Variants in DCHS2 observed in about 807,000 individuals in gnomAD.
The protein encoded by DCHS2 is protocadherin-23.
DCHS2 carries 142 observed loss-of-function variants against 182.4 expected under a neutral mutation model. That is an observed-to-expected ratio of 0.78 (90% CI 0.68 to 0.89). The LOEUF is 0.89. Among genes scored for constraint, DCHS2 ranks in the 40% least tolerant of loss-of-function variants. DCHS2 has a pLI of 0.00. For missense variants in DCHS2, 4,319 were observed against 4,198.6 expected, an observed-to-expected ratio of 1.03 and a Z score of -0.79; for synonymous variants, 1,740 against 1,663.3, an observed-to-expected ratio of 1.05 and a Z score of -1.12.
At chr4:154,398,988 G>A (rs1483506643) in intron 1 of DCHS2, among the ~76,000 whole-genome samples, 3 of 152,156 alleles carry the variant, frequency 2.0e-5, no homozygotes, top group African/African-American at 7.2e-5. Context: ...CTAGGTCTAA[G>A]GGAAAATGGG....
At chr4:154,245,602 A>C (rs958758781) in intron 16 of DCHS2, among the ~76,000 whole-genome samples, 44 of 152,282 alleles carry the variant, frequency 2.9e-4, no homozygotes, top group African/African-American at 9.1e-4. Flanking sequence ...ATGAAAAGAA[A>C]AACTATGATT....
At chr4:154,465,813 A>G (rs976688983) in intron 1 of DCHS2, among the ~76,000 whole-genome samples, 1 of 152,194 alleles carries the variant, frequency 6.6e-6, no homozygotes, top group Non-Finnish European at 1.5e-5. Context: ...ATGCCTCATC[A>G]TGCTGGGCCT....
chr4:154,431,353 A>G (rs952178551), intron 1 of DCHS2, among the ~76,000 whole-genome samples: 40 of 152,312 alleles, frequency 2.6e-4, no homozygotes, highest in African/African-American at 9.4e-4. Flanking sequence ...TAAAACTTAT[A>G]TCATAAGCGG....
rs746763054 is a variant in DCHS2, at chr4:154,298,072, T to A, written c.6242A>T (p.Gln2081Leu). 6.2e-7 allele frequency: 1 copy of A among 1,614,158 alleles called. No individual in the cohort carries two copies. The highest frequency in any genetic ancestry group is 8.5e-7 in the Non-Finnish European group (1 of 1,180,018). ...GTATTTATCAATAGAAAACATTGAC[T>A]GGGTCTCTGCAAAACTAAAAACCAC... ...GTVVFSFAETQSMFSIDKYTG... is the reference protein window; with the variant it reads ...GTVVFSFAETLSMFSIDKYTG... The change falls in exon 13 of 20, where the codon CAG becomes CTG. Residue 2081 changes from glutamine (Q) to leucine (L), a missense_variant. Physicochemically the swap from Gln to Leu is moderately radical, Grantham distance 113. Transcript: ENST00000357232.
chr4:154,413,232 A>G (rs1033874583), intron 1 of DCHS2, among the ~76,000 whole-genome samples: 3 of 152,084 alleles, frequency 2.0e-5, no homozygotes, highest in Non-Finnish European at 4.4e-5. Context: ...CAATCTATCC[A>G]TTCCTTAAGC....
In DCHS2 at chr4:154,489,658, G is replaced by A; in HGVS notation, c.1698C>T (p.Ala566=). The part of the protein sequence containing the change: ...TVVMWVSASD[A]DEAGSDHAWL... ...AGGCGTGATCACTGCCTGCCTCGTC[G>A]GCATCGGAGGCGCTGACCCACATGA... is the stretch of plus-strand genomic sequence containing the variant. The change falls in exon 1 of 20, where the codon GCC becomes GCT. Residue 566 remains alanine (A), a synonymous_variant. Transcript: ENST00000357232. 1.3e-6 allele frequency: 2 copies of A among 1,551,628 alleles called. No homozygotes were observed. The highest frequency in any genetic ancestry group is 1.2e-5 in the South Asian group (1 of 84,050).
Position 154,234,430 on chromosome 4 carries a change from C to G in DCHS2, c.*106G>C. The G allele has an allele frequency of 8.6e-6, 12 of 1,395,534 alleles. No individual in the cohort carries two copies. Among genetic ancestry groups the G allele is most frequent in the Non-Finnish European group, 1.1e-5 (12 of 1,059,904 alleles). The allele number at this position is 1,395,534 out of a possible 1,614,324, so 86.4% of individuals were successfully genotyped here. On this transcript the variant is annotated 3_prime_UTR_variant, in exon 20 of 20. Coordinates refer to ENST00000357232, the MANE Select transcript of DCHS2 (RefSeq NM_001358235.2). ...TAAAAACTCTAACTAAATTACATCA[C>G]TTGCTTTTAGATAAAAATGAGCCCA...
rs780706826 is a variant in DCHS2, at chr4:154,332,789, C to A, written c.3419G>T (p.Gly1140Val). 2.5e-6 allele frequency: 4 copies of A among 1,614,234 alleles called. No homozygotes were observed. In the East Asian group the frequency reaches 8.9e-5, roughly 36 times the overall value. Residue 1140 changes from glycine (G) to valine (V), a missense_variant, in exon 5 of 20, where the codon GGC (glycine) becomes GTC (valine). Physicochemically the swap from Gly to Val is moderately radical, Grantham distance 109. Transcript: ENST00000357232. ...AAACTGTCGCCGCAAATAAATCCAG[C>A]CCGTGTAAGGGCGGATTCCAAACAT... ...SAMFGIRPYT[G>V]WIYLRRQFDY...
chr4:154,378,638 A>G (rs544252238), intron 1 of DCHS2, among the ~76,000 whole-genome samples: 2 of 152,294 alleles, frequency 1.3e-5, no homozygotes, highest in Admixed American at 1.3e-4. Flanking sequence ...TACAACCTAT[A>G]GGTACTAACG....
At chr4:154,292,467 C>T (rs1734711949) in intron 13 of DCHS2, among the ~76,000 whole-genome samples, 1 of 152,166 alleles carries the variant, frequency 6.6e-6, no homozygotes, top group South Asian at 2.1e-4. Context: ...ATGAAGAATT[C>T]CTATAAGAAG....
At chr4:154,335,782 T>G (rs1728775150) in intron 3 of DCHS2, among the ~76,000 whole-genome samples, 1 of 152,224 alleles carries the variant, frequency 6.6e-6, no homozygotes, top group Non-Finnish European at 1.5e-5. Context: ...CAATGTCAAA[T>G]TATGTTAGGT....
chr4:154,342,456 A>G (rs1249652489), intron 3 of DCHS2, among the ~76,000 whole-genome samples: 3 of 152,180 alleles, frequency 2.0e-5, no homozygotes. Flanking sequence ...TAGTTTATCC[A>G]CATTAGAACT....
intron 1 of DCHS2, among the ~76,000 whole-genome samples, chr4:154,481,060 TC>T (rs1264439977): frequency 6.6e-6 from 1 of 152,212 alleles, no homozygotes. Flanking sequence ...TTAACTGATG[TC>T]CCTTTTTGTT....
intron 2 of DCHS2, among the ~76,000 whole-genome samples, chr4:154,375,616 C>T (rs993329495): frequency 4.9e-4 from 75 of 151,572 alleles, no homozygotes; most frequent in African/African-American, 1.7e-3. Flanking sequence ...AAAGTAAAAC[C>T]CCAGTGTGAT....
At chr4:154,468,972 T>C (rs1371787071) in intron 1 of DCHS2, among the ~76,000 whole-genome samples, 1 of 152,166 alleles carries the variant, frequency 6.6e-6, no homozygotes, top group African/African-American at 2.4e-5. Flanking sequence ...AATATGTTAA[T>C]TAGCCTAATT....
chr4:154,455,215 A>G (rs1734712662), intron 1 of DCHS2, among the ~76,000 whole-genome samples: 1 of 152,142 alleles, frequency 6.6e-6, no homozygotes, highest in African/African-American at 2.4e-5. Context: ...TCCTTCTTTG[A>G]ATTTATAATT....
chr4:154,319,750 T>A (rs1227613934), intron 9 of DCHS2, among the ~76,000 whole-genome samples: 1 of 151,456 alleles, frequency 6.6e-6, no homozygotes, highest in South Asian at 2.1e-4. Context: ...ATTCAAAATG[T>A]TACAGCCACT....
In DCHS2 at chr4:154,285,738, A is replaced by G. The variant is rs140231767; in HGVS notation, c.6463+12113T>C. 3.7e-3 allele frequency among the ~76,000 whole-genome samples: 564 copies of G among 152,156 alleles called. 6 individuals carry two copies. Among genetic ancestry groups the G allele is most frequent in the African/African-American group, 0.013 (542 of 41,508 alleles). ...TGCAGTAGAATAGAGCACCAGGTAGATGTGTCAGGAGTCCTGACTTTCTGA... is the reference window on the plus strand; with the variant it reads ...TGCAGTAGAATAGAGCACCAGGTAGGTGTGTCAGGAGTCCTGACTTTCTGA... On this transcript the variant is annotated intron_variant, in intron 13 of 19. Coordinates refer to ENST00000357232, the MANE Select transcript of DCHS2 (RefSeq NM_001358235.2).
At position 154,361,884 on chromosome 4, in the gene DCHS2, AG is replaced by A. The variant is rs376731722; in HGVS notation, c.2476+4325del. On this transcript the variant is annotated intron_variant, in intron 3 of 19. Transcript: ENST00000357232. ...AATCTTTTGTCTTCAGGAAAACACA[AG>A]CCTATAACAGAAAGCATGTAAGTTT... 2.4e-3 allele frequency among the ~76,000 whole-genome samples: 367 copies of A among 152,250 alleles called. 5 individuals are homozygous for A. Among genetic ancestry groups the A allele is most frequent in the African/African-American group, 8.1e-3 (335 of 41,566 alleles).
Sources: allele counts gnomAD v4.1 joint callset (sites outside exome capture counted in the v4.1 genomes callset), GRCh38; gene constraint gnomAD v4.1.1; transcripts MANE v1.5; gene names NCBI Gene and HGNC (gene_info 2026-07-23, HGNC 2026-07-21).